The following STRBP variants were observed in gnomAD, a reference collection of about 807,000 sequenced individuals.
STRBP encodes spermatid perinuclear RNA-binding protein.
STRBP carries 13 observed loss-of-function variants against 80.1 expected under a neutral mutation model. The observed-to-expected ratio is 0.16, with a 90% CI of 0.11 to 0.26. The LOEUF (loss-of-function observed/expected upper bound fraction) is 0.26. Ranked by LOEUF, STRBP falls within the 10% of genes least tolerant of loss-of-function variation. The pLI is 1.00. For synonymous variants in STRBP, 284 were observed against 291.2 expected, an observed-to-expected ratio of 0.98 and a Z score of 0.25; for missense variants, 485 against 815.2, an observed-to-expected ratio of 0.59 and a Z score of 4.93.
At position 123,202,701 on chromosome 9, in the gene STRBP, T is replaced by A. The variant is rs1175127138; in HGVS notation, c.-164-18403A>T. Among the ~76,000 whole-genome samples, 4 of 152,240 alleles carry A rather than the reference T, an allele frequency of 2.6e-5. No individual in the cohort carries two copies. In the East Asian group the frequency reaches 7.7e-4, roughly 29 times the overall value. ...TTAAAAATAGATAAAAGAGTATAAC[T>A]GGAATGTCTGTTACACAAAGAAATG... On this transcript the variant is annotated intron_variant, in intron 2 of 18. Coordinates refer to ENST00000348403, the MANE Select transcript of STRBP (RefSeq NM_018387.5).
At chr9:123,221,356 T>C (rs1460098233) in intron 2 of STRBP, among the ~76,000 whole-genome samples, 1 of 152,232 alleles carries the variant, frequency 6.6e-6, no homozygotes, top group Non-Finnish European at 1.5e-5. Flanking sequence ...AGTAACCAGC[T>C]GATGTGTCCT....
chr9:123,216,357 T>C (rs1408972553), intron 2 of STRBP, among the ~76,000 whole-genome samples: 1 of 152,204 alleles, frequency 6.6e-6, no homozygotes, highest in Non-Finnish European at 1.5e-5. Flanking sequence ...AGCTCTCAAA[T>C]AGTTGTCAAG....
chr9:123,184,239 T>A lies in STRBP; in HGVS notation c.-105A>T. ...AACAATACCTCCTCATAAGCCTGAG[T>A]CCCCTGACAGCTCAGCGTCAATATA... is the stretch of plus-strand genomic sequence containing the variant. On this transcript the variant is annotated 5_prime_UTR_variant, in exon 3 of 19. Coordinates refer to ENST00000348403, the MANE Select transcript of STRBP (RefSeq NM_018387.5). The A allele has an allele frequency of 8.9e-7, 1 of 1,125,292 alleles. No homozygotes were observed. 69.7% of individuals were successfully genotyped at this position (1,125,292 alleles called of 1,614,324 possible). A position where few individuals can be genotyped will look rare whatever the true frequency, so the allele number is the denominator to read the frequency against.
At chr9:123,244,221 A>G (rs114191274) in intron 1 of STRBP, among the ~76,000 whole-genome samples, 2,180 of 152,294 alleles carry the variant, frequency 0.014, 52 homozygotes, top group African/African-American at 0.049. Flanking sequence ...GTCAGATACT[A>G]TATGCTTTCA....
chr9:123,214,532 A>C (rs532097890), intron 2 of STRBP, among the ~76,000 whole-genome samples: 20 of 152,274 alleles, frequency 1.3e-4, no homozygotes, highest in African/African-American at 4.6e-4. Context: ...AAAATAAAAG[A>C]AAGAATCAGA....
At chr9:123,197,907 C>T (rs936098173) in intron 2 of STRBP, among the ~76,000 whole-genome samples, 3 of 151,974 alleles carry the variant, frequency 2.0e-5, no homozygotes, top group Non-Finnish European at 2.9e-5. Context: ...CTCCTGACCT[C>T]AAGTTATCTG....
Position 123,160,372 on chromosome 9 carries a change from C to A in STRBP, c.718G>T (p.Gly240Ter). The A allele has an allele frequency of 6.3e-7, 1 of 1,587,368 alleles. No homozygotes were observed. Among genetic ancestry groups the A allele is most frequent in the Non-Finnish European group, 8.6e-7 (1 of 1,161,496 alleles). The change falls in exon 8 of 19, where the codon GGA becomes TGA. Residue 240 changes from glycine (G) to a stop codon, truncating the protein, a stop_gained. Coordinates refer to ENST00000348403, the MANE Select transcript of STRBP (RefSeq NM_018387.5). LOFTEE classifies it high-confidence loss of function. ...NRVPTWAPLK[G>*]WPLELICEKS... ...AGCCATATTTAAGTACTTACCCATC[C>A]TTTCAATGGTGCCCATGTGGGGACT...
At chr9:123,248,099 A>C (rs1364742186) in intron 1 of STRBP, among the ~76,000 whole-genome samples, 2 of 152,038 alleles carry the variant, frequency 1.3e-5, no homozygotes, top group African/African-American at 4.8e-5. Context: ...GTATGTATAT[A>C]TTTTTCCTCC....
At chr9:123,184,419 C>T in intron 2 of STRBP, 121 bp from the exon 3 acceptor site, 2 of 265,146 alleles carry the variant, frequency 7.5e-6, no homozygotes, top group Middle Eastern at 1.0e-3. Context: ...AGGAAAATTC[C>T]CTCAGTTCAA....
At chr9:123,120,692 CCTTTGTT>C (rs958418103), downstream of STRBP, among the ~76,000 whole-genome samples, 39 of 152,138 alleles carry the variant, frequency 2.6e-4, no homozygotes, top group Middle Eastern at 3.4e-3. Context: ...ACCACTTTGT[CCTTTGTT>C]CTACTATAAA....
At chr9:123,144,249 CAT>C (rs1320256126) in intron 13 of STRBP, among the ~76,000 whole-genome samples, 3 of 148,380 alleles carry the variant, frequency 2.0e-5, no homozygotes, top group Non-Finnish European at 3.0e-5. Flanking sequence ...TTTTAAAAAA[CAT>C]ATTTTTACAG....
chr9:123,206,462 A>C (rs1040331439), intron 2 of STRBP, among the ~76,000 whole-genome samples: 1 of 152,182 alleles, frequency 6.6e-6, no homozygotes. Flanking sequence ...ATGAATGTGG[A>C]TATCTGGGAT....
intron 2 of STRBP, among the ~76,000 whole-genome samples, chr9:123,209,403 A>C (rs959442118): frequency 1.3e-5 from 2 of 152,240 alleles, no homozygotes; most frequent in Non-Finnish European, 2.9e-5. Context: ...AATACACTCT[A>C]AAGTGGGATG....
chr9:123,265,904 A>G (rs1225855826), intron 1 of STRBP, among the ~76,000 whole-genome samples: 1 of 152,216 alleles, frequency 6.6e-6, no homozygotes, highest in East Asian at 1.9e-4. Context: ...AGAGTCAGAA[A>G]GCTCCAATTC....
intron 6 of STRBP, among the ~76,000 whole-genome samples, chr9:123,166,080 T>C (rs866188280): frequency 6.6e-6 from 1 of 152,188 alleles, no homozygotes; most frequent in Admixed American, 6.5e-5. Context: ...TAGGTACCCT[T>C]AGAGGTGCTA....
intron 2 of STRBP, among the ~76,000 whole-genome samples, chr9:123,195,577 G>C (rs2039063338): frequency 6.6e-6 from 1 of 152,038 alleles, no homozygotes; most frequent in Non-Finnish European, 1.5e-5. Flanking sequence ...AAGAAATCAA[G>C]AAAATAATCC....
chr9:123,217,128 T>C (rs1477035248), intron 2 of STRBP, among the ~76,000 whole-genome samples: 1 of 152,118 alleles, frequency 6.6e-6, no homozygotes, highest in African/African-American at 2.4e-5. Flanking sequence ...TACATATAAA[T>C]ACAAACTCAA....
intron 2 of STRBP, among the ~76,000 whole-genome samples, chr9:123,200,734 A>ATTGTTTTTTTT (rs1385113247): frequency 2.7e-5 from 1 of 37,512 alleles, no homozygotes. Flanking sequence ...CACCCCGCTA[A>ATTGTTTTTTTT]TTTTTTTTTT....
At chr9:123,135,328 G>C (rs189803548) in intron 16 of STRBP, among the ~76,000 whole-genome samples, 1 of 152,106 alleles carries the variant, frequency 6.6e-6, no homozygotes, top group Non-Finnish European at 1.5e-5. Flanking sequence ...ATATTCAGAT[G>C]TTATGTTATT....
Sources: allele counts gnomAD v4.1 joint callset (sites outside exome capture counted in the v4.1 genomes callset), GRCh38; gene constraint gnomAD v4.1.1; transcripts MANE v1.5; gene names NCBI Gene and HGNC (gene_info 2026-07-23, HGNC 2026-07-21).